Variants in HDAC9 observed in about 807,000 individuals in gnomAD.
The protein encoded by HDAC9 is MEF-2 interacting transcription repressor (MITR) protein.
HDAC9 carries 41 observed loss-of-function variants against 139.4 expected under a neutral mutation model. The ratio of observed to expected loss-of-function variants is 0.29; its 90% CI spans 0.23 to 0.38. HDAC9 has a LOEUF of 0.38. Ranked by LOEUF, HDAC9 falls within the 10% of genes least tolerant of loss-of-function variation. The pLI is 1.00. For missense variants in HDAC9, 1,147 were observed against 1,297.0 expected (o/e 0.88, Z 1.78); for synonymous variants, 517 against 476.2 (o/e 1.09, Z -1.12).
At chr7:18,262,635 A>G (rs938628239) in intron 2 of HDAC9, among the ~76,000 whole-genome samples, 2 of 152,228 alleles carry the variant, frequency 1.3e-5, no homozygotes, top group South Asian at 4.1e-4. Context: ...GTCTGATTTA[A>G]AATACAATGA....
intron 1 of HDAC9, among the ~76,000 whole-genome samples, chr7:18,423,225 A>G (rs1430456682): frequency 2.0e-5 from 3 of 152,216 alleles, no homozygotes; most frequent in East Asian, 1.9e-4. Flanking sequence ...ACAGCTTTCT[A>G]TGCTTTTGCA....
chr7:18,206,758 T>C (rs142254327), intron 2 of HDAC9, among the ~76,000 whole-genome samples: 2 of 152,138 alleles, frequency 1.3e-5, no homozygotes, highest in Non-Finnish European at 2.9e-5. Context: ...GGGTGCATCA[T>C]GCTTTTTGAG....
intron 2 of HDAC9, among the ~76,000 whole-genome samples, chr7:18,238,303 G>A: frequency 6.6e-6 from 1 of 152,182 alleles, no homozygotes; most frequent in Admixed American, 6.5e-5. Context: ...CTAATTTATA[G>A]ATAAGTAAAC....
intron 6 of HDAC9, among the ~76,000 whole-genome samples, chr7:18,595,819 A>T (rs1457406050): frequency 2.0e-5 from 3 of 152,088 alleles, no homozygotes; most frequent in Non-Finnish European, 4.4e-5. Flanking sequence ...GATATTTTTA[A>T]TACTTAAGGA....
intron 16 of HDAC9, among the ~76,000 whole-genome samples, chr7:18,775,907 A>G (rs554227527): frequency 1.3e-5 from 2 of 152,046 alleles, no homozygotes; most frequent in South Asian, 4.1e-4. Flanking sequence ...TTCTTGTCTC[A>G]GCTTTCTTTG....
At chr7:18,433,130 C>CT (rs1217635030) in intron 1 of HDAC9, among the ~76,000 whole-genome samples, 1 of 151,998 alleles carries the variant, frequency 6.6e-6, no homozygotes, top group Non-Finnish European at 1.5e-5. Context: ...ATAAACATAA[C>CT]TAAAAACAAA....
At chr7:18,230,728 A>G (rs965683548) in intron 2 of HDAC9, among the ~76,000 whole-genome samples, 2 of 152,174 alleles carry the variant, frequency 1.3e-5, no homozygotes, top group African/African-American at 4.8e-5. Context: ...GGAAGTAGAG[A>G]CAGTACGTAA....
At chr7:18,845,060 C>T (rs954590938) in intron 21 of HDAC9, among the ~76,000 whole-genome samples, 12 of 152,190 alleles carry the variant, frequency 7.9e-5, no homozygotes, top group Middle Eastern at 3.4e-3. Context: ...TTTCAATGAA[C>T]TGATTACATT....
chr7:18,733,087 A>G (rs1489709305), intron 13 of HDAC9, among the ~76,000 whole-genome samples: 1 of 146,158 alleles, frequency 6.8e-6, no homozygotes, highest in South Asian at 2.1e-4. Flanking sequence ...GTATACACAT[A>G]TATACATGTG....
chr7:18,700,768 A>G (rs1783412338), intron 12 of HDAC9, among the ~76,000 whole-genome samples: 1 of 152,180 alleles, frequency 6.6e-6, no homozygotes. Context: ...TGTCATCTCC[A>G]GGAGACTAGC....
At chr7:18,789,835 T>A (rs1381143082) in intron 16 of HDAC9, among the ~76,000 whole-genome samples, 2 of 152,150 alleles carry the variant, frequency 1.3e-5, no homozygotes, top group African/African-American at 4.8e-5. Context: ...TGTTTTCTCT[T>A]ACCTATAGTT....
intron 17 of HDAC9, among the ~76,000 whole-genome samples, chr7:18,821,636 A>G (rs1585099309): frequency 6.6e-6 from 1 of 152,198 alleles, no homozygotes; most frequent in South Asian, 2.1e-4. Flanking sequence ...TCCTACAGCC[A>G]GCAATTCTCC....
chr7:18,980,737 T>TA (rs1784871383), intron 25 of HDAC9, among the ~76,000 whole-genome samples: 1 of 127,380 alleles, frequency 7.9e-6, no homozygotes, highest in Non-Finnish European at 1.6e-5. Flanking sequence ...CTTCTTCTTC[T>TA]TCTTCTTCCT....
intron 1 of HDAC9, among the ~76,000 whole-genome samples, chr7:18,088,785 A>G (rs983105671): frequency 6.6e-6 from 1 of 152,178 alleles, no homozygotes; most frequent in African/African-American, 2.4e-5. Flanking sequence ...AATTCCCCAA[A>G]CATCAAATTA....
At chr7:18,823,560 C>T (rs1795145800) in intron 17 of HDAC9, among the ~76,000 whole-genome samples, 1 of 152,062 alleles carries the variant, frequency 6.6e-6, no homozygotes, top group African/African-American at 2.4e-5. Flanking sequence ...GTCTGTGCCT[C>T]CCCAAAATTC....
chr7:18,990,589 C>T (rs943296339), intron 25 of HDAC9, among the ~76,000 whole-genome samples: 2 of 152,222 alleles, frequency 1.3e-5, no homozygotes, highest in Admixed American at 6.5e-5. Flanking sequence ...GTTTGAGCTT[C>T]CAGGCTGCTT....
chr7:18,843,207 T>C (rs574059793), intron 21 of HDAC9, among the ~76,000 whole-genome samples: 2 of 152,308 alleles, frequency 1.3e-5, no homozygotes, highest in Non-Finnish European at 2.9e-5. Flanking sequence ...GTAATTTGTA[T>C]GCCTAGAAGT....
intron 1 of HDAC9, among the ~76,000 whole-genome samples, chr7:18,427,106 G>A (rs372769603): frequency 9.9e-5 from 15 of 152,180 alleles, no homozygotes; most frequent in East Asian, 5.8e-4. Context: ...GGTATTAACC[G>A]GCTGGAGAGT....
chr7:18,408,528 T>G (rs949888720), intron 1 of HDAC9, among the ~76,000 whole-genome samples: 7 of 152,224 alleles, frequency 4.6e-5, no homozygotes, highest in Non-Finnish European at 1.0e-4. Flanking sequence ...TTCCTGGTTC[T>G]GTAAGTTCAA....
Sources: gnomAD v4.1 joint callset for allele counts (sites outside exome capture counted in the v4.1 genomes callset) on GRCh38, gnomAD v4.1.1 for gene constraint, MANE v1.5 for transcripts, NCBI Gene and HGNC (gene_info 2026-07-23, HGNC 2026-07-21) for gene names.